MKLN1: variants seen among roughly 807,000 people sequenced by gnomAD.
MKLN1 encodes the protein muskelin 1.
Under a neutral mutation model 99.0 loss-of-function variants are expected in MKLN1, and 18 were observed. That is an observed-to-expected ratio of 0.18 (90% CI 0.13 to 0.27). The LOEUF (loss-of-function observed/expected upper bound fraction) is 0.27. MKLN1 is among the 10% of genes least tolerant of loss of function. The pLI is 1.00. For missense variants in MKLN1, 621 were observed against 875.9 expected (o/e 0.71, Z 3.67); for synonymous variants, 288 against 293.2 (o/e 0.98, Z 0.18).
At chr7:131,175,251 G>GATAGATAGATAGATA (rs138538316) in intron 2 of MKLN1, among the ~76,000 whole-genome samples, 92 of 150,276 alleles carry the variant, frequency 6.1e-4, no homozygotes, top group East Asian at 3.2e-3. Flanking sequence ...TGGATGGATA[G>GATAGATAGATAGATA]ATAGATAGAT....
chr7:131,232,684 C>G (rs1299868496), intron 3 of MKLN1, among the ~76,000 whole-genome samples: 2 of 152,144 alleles, frequency 1.3e-5, no homozygotes, highest in Admixed American at 1.3e-4. Context: ...AACTGTACTC[C>G]TCAATTGAAT....
chr7:131,358,341 A>T (rs1285719115), intron 1 of MKLN1, among the ~76,000 whole-genome samples: 1 of 152,196 alleles, frequency 6.6e-6, no homozygotes, highest in African/African-American at 2.4e-5. Context: ...TGTGTAATAC[A>T]TTAATTGATT....
chr7:131,248,511 A>G (rs1335074757), intron 3 of MKLN1, among the ~76,000 whole-genome samples: 2 of 152,210 alleles, frequency 1.3e-5, no homozygotes, highest in Non-Finnish European at 2.9e-5. Flanking sequence ...GCTTTCACAT[A>G]CATTTTCTCA....
rs1799418377 is a variant in MKLN1, at chr7:131,341,914, C to T, written c.98+13917C>T. 2.0e-5 allele frequency among the ~76,000 whole-genome samples: 3 copies of T among 152,358 alleles called. No homozygotes were observed. In the East Asian group the frequency reaches 5.8e-4, roughly 29 times the overall value. Reference sequence around the variant, plus strand: ...GCCACTCACCTCCTGCTGTGCATCTCAGTTCCTTACAGGAACCAGTACTGG... The same window carrying T: ...GCCACTCACCTCCTGCTGTGCATCTTAGTTCCTTACAGGAACCAGTACTGG... On this transcript the variant is annotated intron_variant, in intron 1 of 17. Transcript: ENST00000352689.
chr7:131,393,611 T>G (rs1164226920), intron 4 of MKLN1, among the ~76,000 whole-genome samples: 2 of 151,770 alleles, frequency 1.3e-5, no homozygotes, highest in Admixed American at 1.3e-4. Context: ...TTTTAAAAGG[T>G]TTTTGTTTTG....
intron 2 of MKLN1, among the ~76,000 whole-genome samples, chr7:131,192,094 A>ACG (rs1796555380): frequency 3.5e-5 from 3 of 85,222 alleles, no homozygotes; most frequent in African/African-American, 1.3e-4. Context: ...TATTATATAT[A>ACG]TATGTATATA....
At chr7:131,316,148 C>T (rs1422617502) in intron 3 of MKLN1, among the ~76,000 whole-genome samples, 1 of 152,202 alleles carries the variant, frequency 6.6e-6, no homozygotes, top group African/African-American at 2.4e-5. Flanking sequence ...AACCTCCCAA[C>T]AGGGCTTGAC....
At chr7:131,347,785 T>C (rs1049017586) in intron 1 of MKLN1, among the ~76,000 whole-genome samples, 1 of 152,254 alleles carries the variant, frequency 6.6e-6, no homozygotes, top group Admixed American at 6.5e-5. Flanking sequence ...ATCTGATGCC[T>C]ATTATTGTTT....
At chr7:131,252,139 GAGTTCACAAACTCAA>G (rs1355406425) in intron 3 of MKLN1, among the ~76,000 whole-genome samples, 1 of 151,962 alleles carries the variant, frequency 6.6e-6, no homozygotes, top group Non-Finnish European at 1.5e-5. Flanking sequence ...TTTCAGTCTG[GAGTTCACAAACTCAA>G]AGCAGCAATA....
intron 9 of MKLN1, among the ~76,000 whole-genome samples, chr7:131,429,500 T>A (rs1444171828): frequency 2.0e-5 from 3 of 152,256 alleles, no homozygotes; most frequent in African/African-American, 7.2e-5. Flanking sequence ...TTTTTATTTC[T>A]TCTGGAATAT....
chr7:131,477,778 TC>T (rs1194369229), intron 16 of MKLN1, among the ~76,000 whole-genome samples: 5 of 152,216 alleles, frequency 3.3e-5, no homozygotes, highest in Non-Finnish European at 7.4e-5. Context: ...GTGAAATATA[TC>T]CTGAGGACTT....
chr7:131,218,990 AG>A (rs1304611340), intron 3 of MKLN1, among the ~76,000 whole-genome samples: 1 of 152,178 alleles, frequency 6.6e-6, no homozygotes, highest in Non-Finnish European at 1.5e-5. Context: ...ACTCATGTGA[AG>A]TATCTAGAAT....
At position 131,417,174 on chromosome 7, in the gene MKLN1, G is replaced by A. The variant is rs112969055; in HGVS notation, c.847+2464G>A. Among the ~76,000 whole-genome samples, 477 of 152,154 alleles carry A rather than the reference G, an allele frequency of 3.1e-3. 1 individual carries two copies. Among genetic ancestry groups the A allele is most frequent in the African/African-American group, 0.011 (451 of 41,524 alleles). ...GGATTTATTATAGGTTAGTGAAGGT[G>A]TACAAAGAAAAATCGGCCTATATCC... On this transcript the variant is annotated intron_variant, in intron 8 of 17. Coordinates refer to ENST00000352689, the MANE Select transcript of MKLN1 (RefSeq NM_013255.5).
intron 12 of MKLN1, among the ~76,000 whole-genome samples, chr7:131,460,208 T>C (rs1796474659): frequency 6.6e-6 from 1 of 152,236 alleles, no homozygotes; most frequent in South Asian, 2.1e-4. Flanking sequence ...CTGTGATTTG[T>C]CTTTTCCTGG....
intron 3 of MKLN1, among the ~76,000 whole-genome samples, chr7:131,237,881 T>A (rs1455882409): frequency 6.6e-6 from 1 of 152,150 alleles, no homozygotes; most frequent in Non-Finnish European, 1.5e-5. Context: ...GTGTGGTAGC[T>A]CAGATCTATA....
At chr7:131,470,673 A>G (rs1336014285) in intron 15 of MKLN1, among the ~76,000 whole-genome samples, 169 bp from the exon 16 acceptor site, 1 of 152,226 alleles carries the variant, frequency 6.6e-6, no homozygotes, top group Non-Finnish European at 1.5e-5. Flanking sequence ...CCACAACTAC[A>G]CTATCTACCT....
chr7:131,415,764 T>C (rs1311117704), intron 8 of MKLN1, among the ~76,000 whole-genome samples: 1 of 152,182 alleles, frequency 6.6e-6, no homozygotes. Flanking sequence ...TATGCTTATT[T>C]ACTAAAGAGC....
intron 1 of MKLN1, among the ~76,000 whole-genome samples, chr7:131,366,650 A>G (rs1174687586): frequency 6.6e-6 from 1 of 152,122 alleles, no homozygotes; most frequent in African/African-American, 2.4e-5. Flanking sequence ...CGTCTCTACT[A>G]AAAATACAAA....
chr7:131,236,350 G>T (rs1797320549), intron 3 of MKLN1, among the ~76,000 whole-genome samples: 4 of 152,098 alleles, frequency 2.6e-5, no homozygotes, highest in African/African-American at 9.7e-5. Context: ...CTTTCTCGTG[G>T]TCACTATCCC....
Sources: gnomAD v4.1 joint callset for allele counts (sites outside exome capture counted in the v4.1 genomes callset) on GRCh38, gnomAD v4.1.1 for gene constraint, MANE v1.5 for transcripts, NCBI Gene and HGNC (gene_info 2026-07-23, HGNC 2026-07-21) for gene names.